Variants in EEF1D observed in about 807,000 individuals in gnomAD.
The protein encoded by EEF1D is elongation factor 1-delta.
In EEF1D, 47 loss-of-function variants were observed where a neutral mutation model predicts 63.9. The ratio of observed to expected loss-of-function variants is 0.74; its 90% confidence interval spans 0.58 to 0.94. The LOEUF is 0.94. Ranked by LOEUF, EEF1D falls within the 40% of genes least tolerant of loss-of-function variation. The pLI is 0.00. For synonymous variants in EEF1D, 412 were observed against 386.1 expected, an observed-to-expected ratio of 1.07 and a Z score of -0.79; for missense variants, 907 against 899.0, an observed-to-expected ratio of 1.01 and a Z score of -0.11.
intron 5 of EEF1D, chr8:143,581,535 G>C: frequency 1.7e-6 from 1 of 591,166 alleles, no homozygotes; most frequent in Non-Finnish European, 3.0e-6. Context: ...GCAAAGTCCA[G>C]GACAGGAGGC....
At chr8:143,597,150 G>C (rs1296819039) in intron 1 of EEF1D, 198 bp downstream of exon 1, 1 of 152,118 alleles carries the variant, frequency 6.6e-6, no homozygotes, top group Non-Finnish European at 1.5e-5. Flanking sequence ...AGCCGGCCAC[G>C]TGGCCTCCGT....
chr8:143,597,401 A>G lies in EEF1D; in HGVS notation c.-68T>C, dbSNP rs1489612243. On this transcript the variant is annotated 5_prime_UTR_variant, in exon 1 of 10. Coordinates refer to ENST00000618139, the MANE Select transcript of EEF1D (RefSeq NM_001130053.5). ...AGGAGGAATCGGCGGACGCGGGAAG[A>G]CTGATGAAAGGGAGGGCCGCCCGGG... 1 of 151,770 alleles carries G rather than the reference A, an allele frequency of 6.6e-6. No homozygotes were observed. The highest frequency in any genetic ancestry group is 1.5e-5 in the Non-Finnish European group (1 of 67,932). 9.4% of individuals were successfully genotyped at this position (151,770 alleles called of 1,614,324 possible). A position where few individuals can be genotyped will look rare whatever the true frequency, so the allele number is the denominator to read the frequency against.
chr8:143,595,583 T>C (rs1487973640), intron 1 of EEF1D, among the ~76,000 whole-genome samples: 3 of 152,216 alleles, frequency 2.0e-5, no homozygotes, highest in African/African-American at 7.2e-5. Context: ...CCCTGGATAT[T>C]CCAGCCCCAC....
At chr8:143,588,884 C>G (rs1346589162) in intron 3 of EEF1D, 107 bp downstream of exon 3, 1 of 1,423,712 alleles carries the variant, frequency 7.0e-7, no homozygotes, top group Non-Finnish European at 9.3e-7. Flanking sequence ...CTCGGGGAGC[C>G]CCCACCCCAG....
intron 1 of EEF1D, among the ~76,000 whole-genome samples, chr8:143,595,245 A>G (rs1828612056): frequency 6.6e-6 from 1 of 151,000 alleles, no homozygotes; most frequent in African/African-American, 2.4e-5. Flanking sequence ...ATTTTTTCAT[A>G]TTTTTAGTAG....
chr8:143,581,479 C>T (rs1825554689), intron 5 of EEF1D, 151 bp from the exon 6 acceptor site: 1 of 672,940 alleles, frequency 1.5e-6, no homozygotes, highest in Non-Finnish European at 2.5e-6. Context: ...AACTTATGAC[C>T]TCAGAGGTGG....
chr8:143,586,431 A>G, intron 4 of EEF1D, 141 bp from the exon 5 acceptor site: 1 of 853,400 alleles, frequency 1.2e-6, no homozygotes, highest in South Asian at 2.0e-5. Context: ...GGCGGGCCAG[A>G]AAAGCGGGAG....
In EEF1D at chr8:143,586,382, A is replaced by C. The variant is rs148828424; in HGVS notation, c.1216-92T>G. 9.9e-4 allele frequency: 1,174 copies of C among 1,191,828 alleles called. 11 individuals are homozygous for C. In the African/African-American group the frequency reaches 0.016, roughly 16 times the overall value. 73.8% of individuals were successfully genotyped at this position (1,191,828 alleles called of 1,614,324 possible). A position where few individuals can be genotyped will look rare whatever the true frequency, so the allele number is the denominator to read the frequency against. Reference sequence around the variant, plus strand: ...ACCAAAAAACCCCATGAACCCTCACATAGAGACAGCAAGAAAGTACTGCAC... The same window carrying C: ...ACCAAAAAACCCCATGAACCCTCACCTAGAGACAGCAAGAAAGTACTGCAC... On this transcript the variant is annotated intron_variant, in intron 4 of 9. Coordinates refer to ENST00000618139, the MANE Select transcript of EEF1D (RefSeq NM_001130053.5).
At chr8:143,586,538 G>A (rs1214053298) in intron 4 of EEF1D, among the ~76,000 whole-genome samples, 191 bp downstream of exon 4, 1 of 152,182 alleles carries the variant, frequency 6.6e-6, no homozygotes, top group African/African-American at 2.4e-5. Flanking sequence ...GCCGGCAGGA[G>A]GGCCCTGAGC....
intron 3 of EEF1D, among the ~76,000 whole-genome samples, chr8:143,588,249 C>T (rs933009978): frequency 2.0e-5 from 3 of 152,164 alleles, no homozygotes; most frequent in African/African-American, 7.2e-5. Context: ...CTTCAGAGTC[C>T]TTCCCTGACT....
rs2131112987 is a variant in EEF1D, at chr8:143,589,245, C to A, written c.837G>T (p.Arg279=). ...GCTTGTTCCCTAAGATGTTGCGGCCCCGCCGGTCTCTGCGGCCCCGCCGGG... is the reference window on the plus strand; with the variant it reads ...GCTTGTTCCCTAAGATGTTGCGGCCACGCCGGTCTCTGCGGCCCCGCCGGG... ...EGARRGRRDR[R]GRNILGNKRA... Residue 279 remains arginine, a synonymous_variant, in exon 3 of 10, where the codon CGG becomes CGT. Coordinates refer to ENST00000618139, the MANE Select transcript of EEF1D (RefSeq NM_001130053.5). 1.3e-6 allele frequency: 2 copies of A among 1,581,522 alleles called. No homozygotes were observed. The highest frequency in any genetic ancestry group is 1.7e-6 in the Non-Finnish European group (2 of 1,162,120).
intron 7 of EEF1D, 22 bp downstream of exon 7, chr8:143,581,032 C>T (rs756459615): frequency 6.2e-7 from 1 of 1,608,184 alleles, no homozygotes; most frequent in Non-Finnish European, 8.5e-7. Context: ...CCTGCAGTGT[C>T]AGGCGTGGGG....
At chr8:143,597,031 GGCA>G (rs1828958517) in intron 1 of EEF1D, 1 of 152,240 alleles carries the variant, frequency 6.6e-6, no homozygotes. Flanking sequence ...CCACGGAGAC[GGCA>G]GCAAACACAG....
intron 5 of EEF1D, chr8:143,584,182 A>C (rs954766504): frequency 4.6e-5 from 7 of 152,246 alleles, no homozygotes; most frequent in African/African-American, 1.7e-4. Flanking sequence ...GTGCTGCTGG[A>C]ATGCCTAACA....
intron 2 of EEF1D, chr8:143,590,641 A>G: frequency 1.0e-6 from 1 of 999,390 alleles, no homozygotes; most frequent in Non-Finnish European, 1.2e-6. Flanking sequence ...ACGGTGGCTC[A>G]CACCTGTAAT....
At chr8:143,590,389 T>G in intron 2 of EEF1D, 1 of 628,180 alleles carries the variant, frequency 1.6e-6, no homozygotes, top group Non-Finnish European at 2.7e-6. Flanking sequence ...TGTTAGTGAA[T>G]GTATGGCCCA....
chr8:143,579,745 A>G lies in EEF1D; in HGVS notation c.*47T>C. 1 of 1,511,778 alleles carries G rather than the reference A, an allele frequency of 6.6e-7. No individual in the cohort carries two copies. Among genetic ancestry groups the G allele is most frequent in the African/African-American group, 1.4e-5 (1 of 71,664 alleles). 93.6% of individuals were successfully genotyped at this position (1,511,778 alleles called of 1,614,324 possible). ...GCCAGAGGGCCGGTCTCAGTCTTTA[A>G]TCGTGGCAGGGCCTCACGCACGCGC... On this transcript the variant is annotated 3_prime_UTR_variant, in exon 10 of 10. Transcript: ENST00000618139.
At position 143,589,799 on chromosome 8, in the gene EEF1D, C is replaced by T. The variant is rs369940305; in HGVS notation, c.283G>A (p.Gly95Arg). 1.0e-4 allele frequency: 162 copies of T among 1,589,264 alleles called. No individual in the cohort carries two copies. Among genetic ancestry groups the T allele is most frequent in the Non-Finnish European group, 1.3e-4 (155 of 1,168,526 alleles). Residue 95 changes from glycine to arginine, a missense_variant, in exon 3 of 10, where the codon GGG becomes AGG. By Grantham distance (125) the Gly-to-Arg change is moderately radical. Transcript: ENST00000618139. Reference sequence around the variant, plus strand: ...AGGGCCAGGTCCGCGGGGCCGAGCCCGCTCTTGGGGGAGCGCTTCCTCTTT... The same window carrying T: ...AGGGCCAGGTCCGCGGGGCCGAGCCTGCTCTTGGGGGAGCGCTTCCTCTTT... The part of the protein sequence containing the change: ...QKKRKRSPKS[G>R]LGPADLALLG...
intron 3 of EEF1D, among the ~76,000 whole-genome samples, chr8:143,588,676 C>T (rs1371960789): frequency 6.6e-6 from 1 of 152,210 alleles, no homozygotes; most frequent in Non-Finnish European, 1.5e-5. Flanking sequence ...ATGTGACAGC[C>T]ACAGGGGACT....
Sources: gnomAD v4.1 joint callset for allele counts (sites outside exome capture counted in the v4.1 genomes callset) on GRCh38, gnomAD v4.1.1 for gene constraint, MANE v1.5 for transcripts, NCBI Gene and HGNC (gene_info 2026-07-23, HGNC 2026-07-21) for gene names.